Variants in ALOX12 observed in about 807,000 individuals in gnomAD.
ALOX12 encodes the protein polyunsaturated fatty acid lipoxygenase ALOX12.
In ALOX12, 62 loss-of-function variants were observed where a neutral mutation model predicts 85.5. The observed-to-expected ratio is 0.73, with a 90% confidence interval of 0.59 to 0.90. The LOEUF is 0.90. Among genes scored for constraint, ALOX12 ranks in the 40% least tolerant of loss-of-function variants. The probability of loss-of-function intolerance (pLI) is 0.00; values close to 1 mark genes in which losing one functional copy is unlikely to be tolerated. For missense variants in ALOX12, 751 were observed against 856.5 expected (o/e 0.88, Z 1.54); for synonymous variants, 299 against 332.7 (o/e 0.90, Z 1.10).
intron 8 of ALOX12, chr17:7,002,151 G>A: frequency 2.9e-6 from 1 of 345,856 alleles, no homozygotes; most frequent in Non-Finnish European, 5.5e-6. Context: ...CCAGAGAACA[G>A]TATCTGGTAC....
In ALOX12 at chr17:7,001,450, G is replaced by GCGAGC. The variant is rs1165986613; in HGVS notation, c.952-151_952-147dup. 67 of 779,084 alleles carry GCGAGC rather than the reference G, an allele frequency of 8.6e-5. 1 individual carries two copies. Among genetic ancestry groups the GCGAGC allele is most frequent in the Non-Finnish European group, 1.3e-5 (6 of 478,088 alleles). 48.3% of individuals were successfully genotyped at this position (779,084 alleles called of 1,614,324 possible). A position where few individuals can be genotyped will look rare whatever the true frequency, so the allele number is the denominator to read the frequency against. On this transcript the variant is annotated intron_variant, in intron 7 of 13. Transcript: ENST00000251535. ...ACCTGACATCAGGGCACTCCAGCTA[G>GCGAGC]CGAGCGGCAGGCTGGGAGGGTTCAC... is the stretch of plus-strand genomic sequence containing the variant.
chr17:7,009,205 G>A (rs951199967), intron 11 of ALOX12, among the ~76,000 whole-genome samples: 2 of 151,856 alleles, frequency 1.3e-5, no homozygotes, highest in African/African-American at 2.4e-5. Context: ...GACTACAGGT[G>A]CCCGCCACCA....
chr17:7,009,927 G>A, intron 12 of ALOX12, 29 bp from the exon 13 acceptor site: 1 of 1,613,504 alleles, frequency 6.2e-7, no homozygotes, highest in South Asian at 1.1e-5. Flanking sequence ...TAAGTACCAG[G>A]GTTCTAGGGT....
intron 8 of ALOX12, among the ~76,000 whole-genome samples, chr17:7,003,869 C>T (rs1908839476): frequency 1.3e-5 from 2 of 152,046 alleles, no homozygotes; most frequent in Non-Finnish European, 2.9e-5. Flanking sequence ...GCTTTGGTAT[C>T]TTAACACCAA....
rs1909336851 is a variant in ALOX12 at position 7,010,492 on chromosome 17, A to G, written c.*69A>G. On this transcript the variant is annotated 3_prime_UTR_variant, in exon 14 of 14. Coordinates refer to ENST00000251535, the MANE Select transcript of ALOX12 (RefSeq NM_000697.3). ...GACTGACATTTCTATCTTGAATTTC[A>G]TGCTTTCCTAAAGTCTCTGCTGCTA... 13 of 1,541,036 alleles carry G rather than the reference A, an allele frequency of 8.4e-6. No homozygotes were observed. The highest frequency in any genetic ancestry group is 1.7e-4 in the Middle Eastern group (1 of 5,776).
chr17:6,997,378 G>A (rs1908499665), intron 2 of ALOX12, among the ~76,000 whole-genome samples: 1 of 151,910 alleles, frequency 6.6e-6, no homozygotes. Flanking sequence ...GAAGTCAGGT[G>A]AGGGGACCAC....
intron 9 of ALOX12, 149 bp from the exon 10 acceptor site, chr17:7,005,709 G>T: frequency 1.3e-6 from 1 of 742,546 alleles, no homozygotes; most frequent in East Asian, 2.7e-5. Context: ...TCGAACTCCT[G>T]ACCTCATGAT....
At chr17:7,001,301 C>T (rs1908696323) in intron 7 of ALOX12, 1 of 407,636 alleles carries the variant, frequency 2.5e-6, no homozygotes, top group African/African-American at 2.0e-5. Context: ...AATAATCTTA[C>T]ACCTCCTACT....
chr17:6,999,653 G>A, intron 6 of ALOX12, 187 bp downstream of exon 6: 1 of 608,524 alleles, frequency 1.6e-6, no homozygotes, highest in Non-Finnish European at 2.8e-6. Flanking sequence ...CCAGCAGGAA[G>A]GGGAAAATAG....
At chr17:6,996,726 G>T in intron 1 of ALOX12, 100 bp from the exon 2 acceptor site, 1 of 1,372,748 alleles carries the variant, frequency 7.3e-7, no homozygotes, top group East Asian at 2.5e-5. Context: ...GTCTTTGGAG[G>T]CCCTGAGAAA....
At chr17:7,004,094 A>AT (rs1221142975) in intron 8 of ALOX12, among the ~76,000 whole-genome samples, 2 of 139,874 alleles carry the variant, frequency 1.4e-5, no homozygotes, top group African/African-American at 5.1e-5. Flanking sequence ...TAAAATTTTA[A>AT]TTTAATATTA....
At chr17:7,002,507 G>A (rs1159199822) in intron 8 of ALOX12, 1 of 469,008 alleles carries the variant, frequency 2.1e-6, no homozygotes, top group African/African-American at 2.0e-5. Flanking sequence ...GGTTTTAAGA[G>A]CTGGGTGTGG....
At chr17:6,997,840 T>G (rs1010983861) in intron 2 of ALOX12, among the ~76,000 whole-genome samples, 15 of 151,904 alleles carry the variant, frequency 9.9e-5, no homozygotes, top group Non-Finnish European at 1.3e-4. Flanking sequence ...GATTACAGGC[T>G]TGAGCCACCA....
At chr17:7,001,563 T>A (rs201084058) in intron 7 of ALOX12, 39 bp from the exon 8 acceptor site, 2 of 1,542,912 alleles carry the variant, frequency 1.3e-6, no homozygotes, top group Non-Finnish European at 1.8e-6. Flanking sequence ...TATAATGTCA[T>A]ATACGGAATG....
Sources: gnomAD v4.1 joint callset for allele counts (sites outside exome capture counted in the v4.1 genomes callset) on GRCh38, gnomAD v4.1.1 for gene constraint, MANE v1.5 for transcripts, NCBI Gene and HGNC (gene_info 2026-07-23, HGNC 2026-07-21) for gene names.